XYLB: variants seen among roughly 807,000 people sequenced by gnomAD.
XYLB encodes xylulose kinase.
XYLB carries 62 observed loss-of-function variants against 78.7 expected under a neutral mutation model. The observed-to-expected ratio is 0.79, with a 90% confidence interval of 0.64 to 0.97. XYLB has a LOEUF of 0.97. Among genes scored for constraint, XYLB ranks in the 50% least tolerant of loss-of-function variants. The probability of loss-of-function intolerance (pLI) is 0.00; values close to 1 mark genes in which losing one functional copy is unlikely to be tolerated. For missense variants in XYLB, 687 were observed against 676.8 expected, an observed-to-expected ratio of 1.02 and a Z score of -0.17; for synonymous variants, 245 against 247.4, an observed-to-expected ratio of 0.99 and a Z score of 0.09.
chr3:38,442,757 G>T, the XYLB span, among the ~76,000 whole-genome samples: 1 of 125,390 alleles, frequency 8.0e-6, no homozygotes, highest in South Asian at 2.4e-4. Context: ...TAAGACTTGA[G>T]CTTTTAAATG....
chr3:38,394,679 T>A (rs1707795341), intron 15 of XYLB, among the ~76,000 whole-genome samples: 1 of 152,260 alleles, frequency 6.6e-6, no homozygotes, highest in African/African-American at 2.4e-5. Flanking sequence ...ATGTTTATTC[T>A]CTTATACAGT....
At chr3:38,378,684 G>A (rs1486361442) in intron 14 of XYLB, among the ~76,000 whole-genome samples, 1 of 151,826 alleles carries the variant, frequency 6.6e-6, no homozygotes, top group East Asian at 1.9e-4. Context: ...GTTTATGAGG[G>A]GGATGGCGGC....
chr3:38,451,068 A>T, the XYLB span: 2 of 152,208 alleles, frequency 1.3e-5, no homozygotes, highest in Non-Finnish European at 1.5e-5. Context: ...GCAGCCAAGG[A>T]GATGGGAGTG....
downstream of XYLB, among the ~76,000 whole-genome samples, chr3:38,424,228 T>C (rs1382295242): frequency 6.6e-6 from 1 of 152,174 alleles, no homozygotes; most frequent in Non-Finnish European, 1.5e-5. Flanking sequence ...AAGAGCAAGA[T>C]CTTGTAGAAT....
chr3:38,406,824 G>T (rs982842323), intron 18 of XYLB, among the ~76,000 whole-genome samples: 3 of 152,134 alleles, frequency 2.0e-5, no homozygotes, highest in African/African-American at 7.2e-5. Flanking sequence ...GAGAAGGGAA[G>T]TTTAGAGAAA....
chr3:38,442,239 G>T, the XYLB span, among the ~76,000 whole-genome samples: 1 of 152,174 alleles, frequency 6.6e-6, no homozygotes, highest in African/African-American at 2.4e-5. Context: ...TTGGGCCTTC[G>T]ATTTAAATGC....
At chr3:38,399,330 C>T (rs1708027373) in intron 17 of XYLB, among the ~76,000 whole-genome samples, 1 of 151,986 alleles carries the variant, frequency 6.6e-6, no homozygotes, top group Non-Finnish European at 1.5e-5. Context: ...CTCCTGGGCT[C>T]AAGTGATCCC....
At chr3:38,349,968 C>T (rs1705272126) in intron 2 of XYLB, among the ~76,000 whole-genome samples, 1 of 152,222 alleles carries the variant, frequency 6.6e-6, no homozygotes, top group Non-Finnish European at 1.5e-5. Flanking sequence ...AAGGCCCTGT[C>T]TCCAAATAAT....
At chr3:38,434,207 A>G in the XYLB span, among the ~76,000 whole-genome samples, 11 of 152,346 alleles carry the variant, frequency 7.2e-5, no homozygotes, top group East Asian at 2.1e-3. Flanking sequence ...GATTATTACA[A>G]TTCAAGATGA....
At chr3:38,350,885 T>C (rs1435555536) in intron 2 of XYLB, among the ~76,000 whole-genome samples, 1 of 152,026 alleles carries the variant, frequency 6.6e-6, no homozygotes, top group Non-Finnish European at 1.5e-5. Flanking sequence ...CTCACACCTG[T>C]AATCCCAGCA....
In XYLB at chr3:38,370,139, A is replaced by G; in HGVS notation, c.730A>G (p.Lys244Glu). 1 of 1,613,920 alleles carries G rather than the reference A, an allele frequency of 6.2e-7. No homozygotes were observed. The highest frequency in any genetic ancestry group is 8.5e-7 in the Non-Finnish European group (1 of 1,179,986). Residue 244 changes from lysine to glutamate, a missense_variant, in exon 9 of 19, where the codon AAG becomes GAG. Physicochemically the swap from Lys to Glu is moderately conservative, Grantham distance 56 (BLOSUM62 1). Transcript: ENST00000207870. Reference sequence around the variant, plus strand: ...TGCCTGTGCACCTCATTTAGAGGAGAAGCTTAGCCCACCAGTACCATCATG... The same window carrying G: ...TGCCTGTGCACCTCATTTAGAGGAGGAGCTTAGCCCACCAGTACCATCATG... ...LGACAPHLEE[K>E]LSPPVPSCSV...
chr3:38,396,151 T>C (rs1260279724), intron 16 of XYLB, among the ~76,000 whole-genome samples: 2 of 152,208 alleles, frequency 1.3e-5, no homozygotes, highest in African/African-American at 4.8e-5. Context: ...TGACTACCTA[T>C]CTTAGGTAAG....
the XYLB span, among the ~76,000 whole-genome samples, chr3:38,441,808 T>C: frequency 6.6e-6 from 1 of 152,334 alleles, no homozygotes; most frequent in East Asian, 1.9e-4. Flanking sequence ...TCAATTTCCT[T>C]ACTTAGGTAT....
chr3:38,360,455 C>T, intron 3 of XYLB, 47 bp downstream of exon 3: 1 of 1,495,540 alleles, frequency 6.7e-7, no homozygotes, highest in Non-Finnish European at 9.0e-7. Flanking sequence ...GGCTGTCTCA[C>T]TGGCAGACTC....
intron 9 of XYLB, chr3:38,370,406 G>A: frequency 2.6e-6 from 1 of 392,104 alleles, no homozygotes; most frequent in Non-Finnish European, 4.5e-6. Context: ...ATGGTCAGCG[G>A]GACTTTGGAA....
chr3:38,450,498 C>G, the XYLB span, among the ~76,000 whole-genome samples: 3 of 152,270 alleles, frequency 2.0e-5, no homozygotes, highest in African/African-American at 7.2e-5. Context: ...TCCTAACACA[C>G]TGAATGCCTT....
intron 2 of XYLB, among the ~76,000 whole-genome samples, chr3:38,357,372 G>C (rs1001529289): frequency 6.8e-6 from 1 of 146,080 alleles, no homozygotes; most frequent in Admixed American, 7.1e-5. Flanking sequence ...GGTAGATGGT[G>C]CCTCTAGTTT....
intron 2 of XYLB, chr3:38,355,933 T>A: frequency 4.9e-6 from 3 of 612,984 alleles, no homozygotes; most frequent in Non-Finnish European, 5.8e-6. Flanking sequence ...TAATATAATT[T>A]TTTCCCTCAT....
chr3:38,433,373 T>C, the XYLB span, among the ~76,000 whole-genome samples: 1 of 152,242 alleles, frequency 6.6e-6, no homozygotes, highest in African/African-American at 2.4e-5. Context: ...ATTTTCCCCA[T>C]TGTCTTGGTG....
Sources: allele counts gnomAD v4.1 joint callset (sites outside exome capture counted in the v4.1 genomes callset), GRCh38; gene constraint gnomAD v4.1.1; transcripts MANE v1.5; gene names NCBI Gene and HGNC (gene_info 2026-07-23, HGNC 2026-07-21).